The following HSDL2 variants were observed in gnomAD, a reference collection of about 807,000 sequenced individuals.
HSDL2 encodes hydroxysteroid dehydrogenase like 2.
HSDL2 carries 27 observed loss-of-function variants against 46.3 expected under a neutral mutation model. The observed-to-expected ratio is 0.58, with a 90% CI of 0.43 to 0.80. HSDL2 has a LOEUF of 0.80. Ranked by LOEUF, HSDL2 falls within the 30% of genes least tolerant of loss-of-function variation. The pLI is 0.00. For synonymous variants in HSDL2, 153 were observed against 163.6 expected (o/e 0.94, Z 0.50); for missense variants, 451 against 502.7 (o/e 0.90, Z 0.98).
chr9:112,400,927 G>A (rs1367155793), intron 1 of HSDL2, among the ~76,000 whole-genome samples: 1 of 152,162 alleles, frequency 6.6e-6, no homozygotes, highest in African/African-American at 2.4e-5. Context: ...ATGACTTCAT[G>A]TTAACTAATT....
intron 8 of HSDL2, among the ~76,000 whole-genome samples, chr9:112,449,552 CTT>C (rs1564128931): frequency 6.6e-6 from 1 of 151,854 alleles, no homozygotes; most frequent in Non-Finnish European, 1.5e-5. Flanking sequence ...CGAGATATAA[CTT>C]ATATATACCA....
intron 5 of HSDL2, 128 bp from the exon 6 acceptor site, chr9:112,418,732 T>C (rs1202819693): frequency 4.5e-6 from 2 of 440,834 alleles, no homozygotes; most frequent in South Asian, 2.5e-5. Context: ...CACATACATA[T>C]GTATATACAT....
At chr9:112,458,577 C>T (rs1833103443) in intron 9 of HSDL2, among the ~76,000 whole-genome samples, 1 of 151,900 alleles carries the variant, frequency 6.6e-6, no homozygotes, top group South Asian at 2.1e-4. Flanking sequence ...TCTGCCCACC[C>T]TTGCCTCCCA....
intron 10 of HSDL2, among the ~76,000 whole-genome samples, chr9:112,467,364 A>G (rs1039213546): frequency 6.6e-6 from 1 of 152,208 alleles, no homozygotes; most frequent in Non-Finnish European, 1.5e-5. Flanking sequence ...AGGTGCATCC[A>G]TAGACACAGA....
intron 10 of HSDL2, among the ~76,000 whole-genome samples, chr9:112,466,074 T>G (rs1235853822): frequency 3.3e-5 from 5 of 152,240 alleles, no homozygotes; most frequent in Non-Finnish European, 5.9e-5. Context: ...ATTATTTTGT[T>G]TTTTCATTAT....
rs757553212 is a variant in HSDL2 at position 112,454,144 on chromosome 9, T to C, written c.997T>C (p.Tyr333His). 16 of 1,613,480 alleles carry C rather than the reference T, an allele frequency of 9.9e-6. No individual in the cohort carries two copies. Among genetic ancestry groups the C allele is most frequent in the Non-Finnish European group, 1.4e-5 (16 of 1,179,788 alleles). ...TGTTGTTAAAGCCACTCAAGCAATC[T>C]ATCTGTTTGAACTCTCCGGTAAGGA... Reference protein sequence around the residue: ...DDVVKATQAIYLFELSGEDGG... With the variant: ...DDVVKATQAIHLFELSGEDGG... Residue 333 changes from tyrosine to histidine, a missense_variant, in exon 9 of 11, where the codon TAT becomes CAT. Coordinates refer to ENST00000398805, the MANE Select transcript of HSDL2 (RefSeq NM_032303.5).
At position 112,421,828 on chromosome 9, in the gene HSDL2, T is replaced by G. The variant is rs117521853; in HGVS notation, c.598+2870T>G. 3.5e-3 allele frequency among the ~76,000 whole-genome samples: 534 copies of G among 152,288 alleles called. 1 individual carries two copies. The highest frequency in any genetic ancestry group is 5.9e-3 in the Non-Finnish European group (400 of 68,020). On this transcript the variant is annotated intron_variant, in intron 6 of 10. Transcript: ENST00000398805. The stretch of plus-strand genomic sequence containing the variant: ...CTGCCGTCCCTCCCTTTCCCCTGAT[T>G]GGAGCAGCTGCTAGGACGGTGGGCA...
intron 3 of HSDL2, among the ~76,000 whole-genome samples, chr9:112,408,640 C>T (rs960512038): frequency 6.6e-6 from 1 of 152,150 alleles, no homozygotes; most frequent in African/African-American, 2.4e-5. Context: ...AGCTGTATAA[C>T]ATGTTACTGT....
At chr9:112,442,594 T>C (rs138060439) in intron 8 of HSDL2, among the ~76,000 whole-genome samples, 120 of 152,324 alleles carry the variant, frequency 7.9e-4, no homozygotes, top group African/African-American at 2.8e-3. Context: ...TTAGACTTTG[T>C]GTTCTGACAT....
rs115171899 is a variant in HSDL2, at chr9:112,429,916, A to T, written c.599-8515A>T. On this transcript the variant is annotated intron_variant, in intron 6 of 10. Transcript: ENST00000398805. ...AGACCAGCCTGAGCAACATGGCAGA[A>T]CTCCATATCTACAAAAAGTAGCAGG... 3.3e-3 allele frequency among the ~76,000 whole-genome samples: 508 copies of T among 152,034 alleles called. 7 individuals are homozygous for T. The highest frequency in any genetic ancestry group is 0.011 in the African/African-American group (468 of 41,482).
chr9:112,394,292 A>T (rs1327672895), intron 1 of HSDL2, among the ~76,000 whole-genome samples: 1 of 152,138 alleles, frequency 6.6e-6, no homozygotes, highest in Non-Finnish European at 1.5e-5. Flanking sequence ...AATATCATAC[A>T]AAGCCTCAGG....
intron 7 of HSDL2, 62 bp from the exon 8 acceptor site, chr9:112,441,637 G>T: frequency 9.3e-7 from 1 of 1,075,014 alleles, no homozygotes; most frequent in South Asian, 1.3e-5. Flanking sequence ...TTATTAAACA[G>T]ATGTTAAAAT....
At chr9:112,418,288 A>C (rs1386822221) in intron 5 of HSDL2, among the ~76,000 whole-genome samples, 3 of 152,050 alleles carry the variant, frequency 2.0e-5, no homozygotes, top group African/African-American at 7.2e-5. Flanking sequence ...AATTCTCAAA[A>C]ATATATCAGG....
intron 1 of HSDL2, among the ~76,000 whole-genome samples, chr9:112,398,097 G>T (rs1303133069): frequency 6.6e-6 from 1 of 152,160 alleles, no homozygotes; most frequent in Non-Finnish European, 1.5e-5. Flanking sequence ...AGGTCGGACT[G>T]GTATGAGAGT....
intron 10 of HSDL2, among the ~76,000 whole-genome samples, chr9:112,463,256 T>C (rs1833267571): frequency 1.4e-5 from 1 of 69,306 alleles, no homozygotes; most frequent in Non-Finnish European, 2.6e-5. Flanking sequence ...AGTTGATATT[T>C]AACTTTTTTT....
chr9:112,418,015 T>C (rs1222142874), intron 5 of HSDL2, among the ~76,000 whole-genome samples: 1 of 152,112 alleles, frequency 6.6e-6, no homozygotes, highest in East Asian at 1.9e-4. Context: ...AGGTGGAGTT[T>C]GCAGTGAGCC....
chr9:112,405,510 T>C (rs1831705397), intron 2 of HSDL2, 114 bp from the exon 3 acceptor site: 1 of 679,920 alleles, frequency 1.5e-6, no homozygotes, highest in Admixed American at 2.8e-5. Context: ...GATAGAGTTA[T>C]TTATATTGAT....
intron 6 of HSDL2, among the ~76,000 whole-genome samples, chr9:112,426,416 A>G (rs1345815411): frequency 1.3e-5 from 2 of 151,914 alleles, no homozygotes; most frequent in Non-Finnish European, 2.9e-5. Flanking sequence ...TTGTATTTTT[A>G]GTAGAGACAG....
At chr9:112,425,854 A>C (rs1832231165) in intron 6 of HSDL2, among the ~76,000 whole-genome samples, 1 of 151,818 alleles carries the variant, frequency 6.6e-6, no homozygotes, top group African/African-American at 2.4e-5. Context: ...CAACCTCCTA[A>C]ATAGCTAGAA....
Sources: allele counts gnomAD v4.1 joint callset (sites outside exome capture counted in the v4.1 genomes callset), GRCh38; gene constraint gnomAD v4.1.1; transcripts MANE v1.5; gene names NCBI Gene and HGNC (gene_info 2026-07-23, HGNC 2026-07-21).